The following KLF12 variants were observed in gnomAD, a reference collection of about 807,000 sequenced individuals.
KLF12 encodes Krueppel-like factor 12.
KLF12 carries 9 observed loss-of-function variants against 37.8 expected under a neutral mutation model. The observed-to-expected ratio is 0.24, with a 90% CI of 0.14 to 0.42. KLF12 has a LOEUF of 0.42. Among genes scored for constraint, KLF12 ranks in the 10% least tolerant of loss-of-function variants. The probability of loss-of-function intolerance (pLI) is 1.00; values close to 1 mark genes in which losing one functional copy is unlikely to be tolerated. For missense variants in KLF12, 411 were observed against 516.0 expected (o/e 0.80, Z 1.97); for synonymous variants, 208 against 202.1 (o/e 1.03, Z -0.25).
At position 73,784,338 on chromosome 13, in the gene KLF12, A is replaced by G. The variant is rs1035994794; in HGVS notation, c.807-19338T>C. Among the ~76,000 whole-genome samples, 3 of 152,148 alleles carry G rather than the reference A, an allele frequency of 2.0e-5. 1 individual carries two copies. Among genetic ancestry groups the G allele is most frequent in the Non-Finnish European group, 4.4e-5 (3 of 68,032 alleles). On this transcript the variant is annotated intron_variant, in intron 5 of 7. Coordinates refer to ENST00000377669, the MANE Select transcript of KLF12 (RefSeq NM_007249.5). ...AATTAACCCTTAACTCCTTAACATG[A>G]CATTAAAGACTCTCATGTTCTGTCC... is the stretch of plus-strand genomic sequence containing the variant.
chr13:73,814,409 TA>T (rs1370669997), intron 4 of KLF12, among the ~76,000 whole-genome samples: 1 of 152,198 alleles, frequency 6.6e-6, no homozygotes, highest in Non-Finnish European at 1.5e-5. Flanking sequence ...GTACCATTTT[TA>T]CCCACGAAAT....
intron 1 of KLF12, among the ~76,000 whole-genome samples, chr13:74,037,933 G>A (rs1471208997): frequency 1.3e-5 from 2 of 152,112 alleles, no homozygotes; most frequent in African/African-American, 2.4e-5. Flanking sequence ...CTGTTATGAG[G>A]GGTCAGGGTT....
chr13:73,694,597 A>G lies in KLF12; in HGVS notation c.*893T>C, dbSNP rs1006824876. On this transcript the variant is annotated 3_prime_UTR_variant, in exon 8 of 8. Transcript: ENST00000377669. ...TTACCTTGGTGCCAGTGTGTCTAAG[A>G]AAGTTTTTTTCCCCTGGTTCCTTGT... The G allele has an allele frequency of 2.0e-5, 3 of 152,688 alleles. No homozygotes were observed. The highest frequency in any genetic ancestry group is 7.2e-5 in the African/African-American group (3 of 41,444). 9.5% of individuals were successfully genotyped at this position (152,688 alleles called of 1,614,324 possible).
At chr13:73,883,455 T>C (rs1162088253) in intron 3 of KLF12, among the ~76,000 whole-genome samples, 6 of 152,202 alleles carry the variant, frequency 3.9e-5, no homozygotes, top group Non-Finnish European at 8.8e-5. Flanking sequence ...TAGGGATTTT[T>C]CTTTTTCTCT....
At chr13:73,932,817 G>A (rs1889749099) in intron 3 of KLF12, among the ~76,000 whole-genome samples, 1 of 152,106 alleles carries the variant, frequency 6.6e-6, no homozygotes. Context: ...TGTGACTCTA[G>A]GCAAATTTGC....
intron 2 of KLF12, among the ~76,000 whole-genome samples, chr13:73,945,227 G>A (rs1890366337): frequency 1.3e-5 from 2 of 152,180 alleles, no homozygotes; most frequent in Non-Finnish European, 2.9e-5. Flanking sequence ...CCAGCACTTT[G>A]GGAGGCTGAG....
rs1164051826 is a variant in KLF12, at chr13:73,805,650, G to GAGGAAGGA, written c.806+7494_806+7501dup. On this transcript the variant is annotated intron_variant, in intron 5 of 7. Transcript: ENST00000377669. The stretch of plus-strand genomic sequence containing the variant: ...GGAGGGAGGGAGGGAGGGAGGGAGG[G>GAGGAAGGA]AGGAAGGAAGGAAGGAAGGAAGGAA... 4.2e-3 allele frequency among the ~76,000 whole-genome samples: 155 copies of GAGGAAGGA among 37,064 alleles called. 1 individual carries two copies. The highest frequency in any genetic ancestry group is 5.7e-3 in the Non-Finnish European group (120 of 20,928). 24.3% of individuals were successfully genotyped at this position (37,064 alleles called of 152,430 possible).
At chr13:74,220,936 T>A in the KLF12 span, among the ~76,000 whole-genome samples, 3 of 152,162 alleles carry the variant, frequency 2.0e-5, no homozygotes, top group African/African-American at 7.2e-5. Context: ...ATTTTTCAGT[T>A]GTTCTGATTT....
intron 1 of KLF12, among the ~76,000 whole-genome samples, chr13:74,075,619 G>A (rs1874519107): frequency 6.6e-6 from 1 of 152,148 alleles, no homozygotes; most frequent in African/African-American, 2.4e-5. Flanking sequence ...ATTCCACTGT[G>A]AACTTAATAA....
the KLF12 span, among the ~76,000 whole-genome samples, chr13:74,169,405 TA>T: frequency 6.6e-6 from 1 of 152,184 alleles, no homozygotes; most frequent in Admixed American, 6.5e-5. Context: ...CATTGATCCA[TA>T]AAAAATATTA....
intron 6 of KLF12, among the ~76,000 whole-genome samples, chr13:73,720,352 G>C (rs1169015304): frequency 2.3e-5 from 3 of 131,116 alleles, no homozygotes. Flanking sequence ...TTCAAAAACT[G>C]GCCTTTTTAT....
At chr13:73,963,978 A>G (rs187312941) in intron 2 of KLF12, among the ~76,000 whole-genome samples, 27 of 152,340 alleles carry the variant, frequency 1.8e-4, no homozygotes, top group African/African-American at 6.3e-4. Context: ...TATGAGGTGG[A>G]ACTTAAGCAA....
intron 1 of KLF12, among the ~76,000 whole-genome samples, chr13:74,006,732 A>G (rs1038384643): frequency 5.9e-5 from 9 of 152,184 alleles, no homozygotes; most frequent in Admixed American, 1.3e-4. Context: ...CTTTGAGTCA[A>G]TGTTAACACC....
At chr13:74,235,942 A>T in the KLF12 span, among the ~76,000 whole-genome samples, 144 of 144,790 alleles carry the variant, frequency 9.9e-4, no homozygotes, top group African/African-American at 3.5e-3. Flanking sequence ...TATTTTTTTT[A>T]TTTTTATTTT....
chr13:74,054,407 G>T (rs544927139), intron 1 of KLF12, among the ~76,000 whole-genome samples: 1 of 152,148 alleles, frequency 6.6e-6, no homozygotes, highest in Non-Finnish European at 1.5e-5. Flanking sequence ...AAAATCCCAC[G>T]GAGAGTCAGC....
chr13:73,979,556 G>T (rs1891636674), intron 2 of KLF12, among the ~76,000 whole-genome samples: 1 of 151,692 alleles, frequency 6.6e-6, no homozygotes, highest in South Asian at 2.1e-4. Context: ...AGATACAATG[G>T]AAATAAACAA....
At chr13:74,132,847 T>C (rs1262851592) in intron 1 of KLF12, among the ~76,000 whole-genome samples, 1 of 152,210 alleles carries the variant, frequency 6.6e-6, no homozygotes, top group East Asian at 1.9e-4. Context: ...TTCAAAGTTC[T>C]TGCAGACAGC....
At chr13:74,274,107 T>C in the KLF12 span, among the ~76,000 whole-genome samples, 2 of 152,158 alleles carry the variant, frequency 1.3e-5, no homozygotes, top group African/African-American at 4.8e-5. Flanking sequence ...GGAATGTGAT[T>C]ATACCACCTC....
At chr13:74,188,556 A>T in the KLF12 span, among the ~76,000 whole-genome samples, 4 of 152,200 alleles carry the variant, frequency 2.6e-5, no homozygotes, top group Non-Finnish European at 5.9e-5. Flanking sequence ...CTGGCAAAAC[A>T]TGATGGTAAG....
Sources: allele counts gnomAD v4.1 joint callset (sites outside exome capture counted in the v4.1 genomes callset), GRCh38; gene constraint gnomAD v4.1.1; transcripts MANE v1.5; gene names NCBI Gene and HGNC (gene_info 2026-07-23, HGNC 2026-07-21).